PTPN14: variants seen among roughly 807,000 people sequenced by gnomAD.
PTPN14 encodes tyrosine-protein phosphatase non-receptor type 14.
In PTPN14, 53 loss-of-function variants were observed where a neutral mutation model predicts 126.8. That is an observed-to-expected ratio of 0.42 (90% CI 0.34 to 0.53). The LOEUF is 0.53. PTPN14 is among the 20% of genes least tolerant of loss of function. The pLI is 0.08. For synonymous variants in PTPN14, 630 were observed against 599.3 expected, an observed-to-expected ratio of 1.05 and a Z score of -0.75; for missense variants, 1,257 against 1,552.9, an observed-to-expected ratio of 0.81 and a Z score of 3.20.
rs1407091877 is a variant in PTPN14 at position 214,350,451 on chromosome 1, G to A, written c.*7471C>T. ...AATAGTGACTGATTCTATCGGCAAG[G>A]GAACAAAAGGGTGAGAAAGGGAGCT... is the stretch of plus-strand genomic sequence containing the variant. On this transcript the variant is annotated 3_prime_UTR_variant, in exon 19 of 19. Coordinates refer to ENST00000366956, the MANE Select transcript of PTPN14 (RefSeq NM_005401.5). 2 of 151,956 alleles carry A rather than the reference G, an allele frequency of 1.3e-5. No individual in the cohort carries two copies. Among genetic ancestry groups the A allele is most frequent in the African/African-American group, 4.8e-5 (2 of 41,364 alleles). 9.4% of individuals were successfully genotyped at this position (151,956 alleles called of 1,614,324 possible).
At chr1:214,409,855 A>G (rs116107341) in intron 5 of PTPN14, among the ~76,000 whole-genome samples, 2,606 of 152,254 alleles carry the variant, frequency 0.017, 83 homozygotes, top group African/African-American at 0.059. Flanking sequence ...TCCAACAGGT[A>G]TGAGGTGGTG....
At chr1:214,511,823 C>G (rs1654980704) in intron 1 of PTPN14, among the ~76,000 whole-genome samples, 3 of 152,188 alleles carry the variant, frequency 2.0e-5, no homozygotes, top group African/African-American at 7.2e-5. Context: ...TCTATACATA[C>G]AATGGAAGGA....
chr1:214,489,094 G>A (rs1162085072), intron 1 of PTPN14, among the ~76,000 whole-genome samples: 1 of 152,200 alleles, frequency 6.6e-6, no homozygotes, highest in African/African-American at 2.4e-5. Flanking sequence ...TGAGGAAAAG[G>A]AAGATAGTGA....
intron 1 of PTPN14, among the ~76,000 whole-genome samples, chr1:214,517,637 G>T (rs778115886): frequency 6.6e-6 from 1 of 152,204 alleles, no homozygotes; most frequent in East Asian, 1.9e-4. Flanking sequence ...ATAACAGGAG[G>T]CAGGAGGAGT....
chr1:214,474,718 C>G (rs894978214), intron 1 of PTPN14, among the ~76,000 whole-genome samples: 5 of 152,162 alleles, frequency 3.3e-5, no homozygotes, highest in Non-Finnish European at 7.4e-5. Flanking sequence ...CTAACACTTT[C>G]TGTGAACTCT....
At chr1:214,382,167 C>G (rs1658488361) in intron 13 of PTPN14, among the ~76,000 whole-genome samples, 2 of 152,202 alleles carry the variant, frequency 1.3e-5, no homozygotes, top group Admixed American at 1.3e-4. Flanking sequence ...TCCCAAAGTG[C>G]TGGGATTACA....
chr1:214,530,848 T>C (rs1431961618), intron 1 of PTPN14: 1 of 152,168 alleles, frequency 6.6e-6, no homozygotes, highest in East Asian at 1.9e-4. Context: ...CAATTCAATA[T>C]AAACAAGCAC....
At chr1:214,482,495 A>T (rs1661012683) in intron 1 of PTPN14, among the ~76,000 whole-genome samples, 1 of 152,192 alleles carries the variant, frequency 6.6e-6, no homozygotes, top group South Asian at 2.1e-4. Flanking sequence ...AATTAAAGAA[A>T]TATCTGAAAC....
intron 16 of PTPN14, among the ~76,000 whole-genome samples, chr1:214,371,365 C>T (rs1658213876): frequency 6.6e-6 from 1 of 152,178 alleles, no homozygotes; most frequent in African/African-American, 2.4e-5. Flanking sequence ...CAGGGTTGCA[C>T]ATCGTGAAGC....
chr1:214,402,868 C>T lies in PTPN14; in HGVS notation c.581+15G>A, dbSNP rs376970831. On this transcript the variant is annotated intron_variant, in intron 6 of 18. Coordinates refer to ENST00000366956, the MANE Select transcript of PTPN14 (RefSeq NM_005401.5). ...TCTGTTGTGCAGGCAGCCCCTTACCCTCTGCCTGCCTTACCTGTGGGCTTT... is the reference window on the plus strand; with the variant it reads ...TCTGTTGTGCAGGCAGCCCCTTACCTTCTGCCTGCCTTACCTGTGGGCTTT... 10 of 1,613,258 alleles carry T rather than the reference C, an allele frequency of 6.2e-6. No individual in the cohort carries two copies. The highest frequency in any genetic ancestry group is 7.6e-6 in the Non-Finnish European group (9 of 1,179,444).
chr1:214,545,875 T>G (rs148141508), intron 1 of PTPN14, among the ~76,000 whole-genome samples: 31 of 152,068 alleles, frequency 2.0e-4, no homozygotes, highest in African/African-American at 7.5e-4. Flanking sequence ...CTCAGATGGA[T>G]CTAAGCACCA....
chr1:214,376,508 T>G, intron 14 of PTPN14, 71 bp from the exon 15 acceptor site: 1 of 1,297,604 alleles, frequency 7.7e-7, no homozygotes, highest in African/African-American at 1.5e-5. Flanking sequence ...ACCAAATTTC[T>G]TTAAATATTT....
intron 8 of PTPN14, among the ~76,000 whole-genome samples, chr1:214,396,880 C>T (rs899641040): frequency 6.6e-6 from 1 of 152,164 alleles, no homozygotes; most frequent in South Asian, 2.1e-4. Flanking sequence ...TTTATAGTTA[C>T]AACTCTGCAC....
At chr1:214,401,637 A>G (rs1265631470) in intron 7 of PTPN14, 48 bp downstream of exon 7, 6 of 1,430,638 alleles carry the variant, frequency 4.2e-6, no homozygotes, top group Admixed American at 2.3e-5. Context: ...TCCAAATGCC[A>G]GTACCGGTCT....
intron 1 of PTPN14, among the ~76,000 whole-genome samples, chr1:214,516,073 G>T (rs1655096326): frequency 6.6e-6 from 1 of 152,164 alleles, no homozygotes; most frequent in Admixed American, 6.5e-5. Flanking sequence ...AAAGCAGGAA[G>T]TACACCTCCA....
At chr1:214,447,712 C>G (rs1424245465) in intron 3 of PTPN14, among the ~76,000 whole-genome samples, 1 of 152,204 alleles carries the variant, frequency 6.6e-6, no homozygotes, top group Non-Finnish European at 1.5e-5. Flanking sequence ...CACATACTCA[C>G]GCACAGACAA....
At chr1:214,387,408 A>C (rs189810154) in intron 11 of PTPN14, among the ~76,000 whole-genome samples, 1 of 152,286 alleles carries the variant, frequency 6.6e-6, no homozygotes, top group African/African-American at 2.4e-5. Context: ...GCTACTCGCG[A>C]GCTGAGGCAG....
rs547906547 is a variant in PTPN14, at chr1:214,354,798, C to G, written c.*3124G>C. ...TCCTCCATTTTACATTTTCTCCCTT[C>G]AAATCCAAACTGCAGCAATAGACAC... On this transcript the variant is annotated 3_prime_UTR_variant, in exon 19 of 19. Coordinates refer to ENST00000366956, the MANE Select transcript of PTPN14 (RefSeq NM_005401.5). 5 of 152,280 alleles carry G rather than the reference C, an allele frequency of 3.3e-5. No individual in the cohort carries two copies. The highest frequency in any genetic ancestry group is 1.2e-4 in the African/African-American group (5 of 41,556). The allele number at this position is 152,280 out of a possible 1,614,324, so 9.4% of individuals were successfully genotyped here.
intron 1 of PTPN14, among the ~76,000 whole-genome samples, chr1:214,544,608 G>C (rs1461219946): frequency 7.2e-5 from 11 of 152,014 alleles, no homozygotes; most frequent in African/African-American, 2.4e-4. Context: ...AAATTAGCCA[G>C]GTGTGGTGGC....
Sources: gnomAD v4.1 joint callset for allele counts (sites outside exome capture counted in the v4.1 genomes callset) on GRCh38, gnomAD v4.1.1 for gene constraint, MANE v1.5 for transcripts, NCBI Gene and HGNC (gene_info 2026-07-23, HGNC 2026-07-21) for gene names.